Variants in NME1 observed in about 807,000 individuals in gnomAD.
NME1 encodes the protein NME/NM23 nucleoside diphosphate kinase 1.
In NME1, 9 loss-of-function variants were observed where a neutral mutation model predicts 17.2. The observed-to-expected ratio is 0.52, with a 90% CI of 0.32 to 0.92. NME1 has a LOEUF of 0.92. NME1 is among the 40% of genes least tolerant of loss of function. The pLI is 0.04. For missense variants in NME1, 169 were observed against 201.7 expected, an observed-to-expected ratio of 0.84 and a Z score of 0.98; for synonymous variants, 72 against 70.8, an observed-to-expected ratio of 1.02 and a Z score of -0.09.
chr17:51,158,177 G>A (rs1429185832), intron 2 of NME1, among the ~76,000 whole-genome samples: 1 of 152,222 alleles, frequency 6.6e-6, no homozygotes, highest in Non-Finnish European at 1.5e-5. Context: ...CTACCAGGGA[G>A]GCTGAGGCGA....
intron 4 of NME1, 40 bp downstream of exon 4, chr17:51,161,312 T>G: frequency 1.3e-6 from 2 of 1,548,022 alleles, no homozygotes; most frequent in Non-Finnish European, 1.8e-6. Flanking sequence ...CAAAATCTGA[T>G]TTAGTTGCCA....
rs1158423956 is a variant in NME1, at chr17:51,155,694, G to T, written c.40G>T (p.Asp14Tyr). The T allele has an allele frequency of 5.6e-6, 9 of 1,614,062 alleles. No individual in the cohort carries two copies. The highest frequency in any genetic ancestry group is 6.8e-6 in the Non-Finnish European group (8 of 1,180,024). The change falls in exon 2 of 5, where the codon GAT becomes TAT. Residue 14 changes from aspartate (D) to tyrosine (Y), a missense_variant. By Grantham distance (160) the Asp-to-Tyr change is radical. Transcript: ENST00000393196. ...CERTFIAIKP[D>Y]GVQRGLVGEI... ...GCGTACCTTCATTGCGATCAAACCAGATGGGGTCCAGCGGGGTCTTGTGGG... is the reference window on the plus strand; with the variant it reads ...GCGTACCTTCATTGCGATCAAACCATATGGGGTCCAGCGGGGTCTTGTGGG...
At chr17:51,155,869 A>G in intron 2 of NME1, 89 bp downstream of exon 2, 1 of 1,588,116 alleles carries the variant, frequency 6.3e-7, no homozygotes, top group Non-Finnish European at 8.6e-7. Context: ...TTTCTTATTT[A>G]AAGTTCTCCA....
Position 51,161,170 on chromosome 17 carries a change from G to C in NME1, c.239G>C (p.Gly80Ala), listed in dbSNP as rs755901791. Residue 80 changes from glycine (G) to alanine (A), a missense_variant, in exon 4 of 5, where the codon GGG becomes GCG. By Grantham distance (60) the Gly-to-Ala change is moderately conservative. Transcript: ENST00000393196. ...SGPVVAMVWEGLNVVKTGRVM... is the reference protein window; with the variant it reads ...SGPVVAMVWEALNVVKTGRVM... ...CTTCTGTCCTTGGAGGTCTGGGAGG[G>C]GCTGAATGTGGTGAAGACGGGCCGA... is the stretch of plus-strand genomic sequence containing the variant. 2 of 1,610,888 alleles carry C rather than the reference G, an allele frequency of 1.2e-6. No individual in the cohort carries two copies. The highest frequency in any genetic ancestry group is 1.7e-6 in the Non-Finnish European group (2 of 1,178,682).
intron 1 of NME1, 80 bp from the exon 2 acceptor site, chr17:51,155,571 T>G: frequency 6.3e-7 from 1 of 1,591,198 alleles, no homozygotes; most frequent in Non-Finnish European, 8.6e-7. Context: ...ACCAGCTTTA[T>G]GGGATAATCC....
intron 1 of NME1, chr17:51,154,290 A>C: frequency 7.9e-7 from 1 of 1,263,418 alleles, no homozygotes; most frequent in South Asian, 1.2e-5. Flanking sequence ...CAGGGGAGGC[A>C]GACACACAAA....
chr17:51,156,049 CTG>C lies in NME1; in HGVS notation c.126+271_126+272del, dbSNP rs1196184181. Reference sequence around the variant, plus strand: ...CAGAGTTCCACATATGACTGCATCTCTGTAATTTCTGACTGAGAGCTGAGCAT... The same window carrying C: ...CAGAGTTCCACATATGACTGCATCTCTAATTTCTGACTGAGAGCTGAGCAT... On this transcript the variant is annotated intron_variant, in intron 2 of 4. Transcript: ENST00000393196. 3 of 383,724 alleles carry C rather than the reference CTG, an allele frequency of 7.8e-6. 1 individual carries two copies. The highest frequency in any genetic ancestry group is 1.5e-5 in the Non-Finnish European group (3 of 200,500). The allele number at this position is 383,724 out of a possible 1,614,324, so 23.8% of individuals were successfully genotyped here. A position where few individuals can be genotyped will look rare whatever the true frequency, so the allele number is the denominator to read the frequency against.
intron 3 of NME1, 24 bp downstream of exon 3, chr17:51,160,105 T>C: frequency 6.2e-7 from 1 of 1,612,630 alleles, no homozygotes; most frequent in Non-Finnish European, 8.5e-7. Context: ...TGTGGGATAC[T>C]CCAAGTATGC....
In NME1 at chr17:51,155,912, G is replaced by A. The variant is rs1051940890; in HGVS notation, c.126+132G>A. On this transcript the variant is annotated intron_variant, in intron 2 of 4. Coordinates refer to ENST00000393196, the MANE Select transcript of NME1 (RefSeq NM_000269.3). Reference sequence around the variant, plus strand: ...GTGAACACAAGTGTCTTGAGACCTGGAAACTCCTCAGTGCCCTAGCGTTTG... The same window carrying A: ...GTGAACACAAGTGTCTTGAGACCTGAAAACTCCTCAGTGCCCTAGCGTTTG... 1.9e-5 allele frequency: 27 copies of A among 1,452,094 alleles called. 1 individual carries two copies. The highest frequency in any genetic ancestry group is 1.3e-4 in the African/African-American group (9 of 71,042). The allele number at this position is 1,452,094 out of a possible 1,614,324, so 90.0% of individuals were successfully genotyped here. A position where few individuals can be genotyped will look rare whatever the true frequency, so the allele number is the denominator to read the frequency against.
At position 51,160,003 on chromosome 17, in the gene NME1, A is replaced by G. The variant is rs200758009; in HGVS notation, c.150A>G (p.Glu50=). 3.4e-4 allele frequency: 548 copies of G among 1,614,078 alleles called. 1 individual carries two copies. Among genetic ancestry groups the G allele is most frequent in the Non-Finnish European group, 3.0e-5 (35 of 1,180,038 alleles). ...FMQASEDLLK[E]HYVDLKDRPF... is the part of the protein sequence containing the mutation. ...AGGCTTCCGAAGATCTTCTCAAGGA[A>G]CACTACGTTGACCTGAAGGACCGTC... The change falls in exon 3 of 5, where the codon GAA becomes GAG. Residue 50 remains glutamate, a synonymous_variant. Coordinates refer to ENST00000393196, the MANE Select transcript of NME1 (RefSeq NM_000269.3).
At chr17:51,156,922 G>C (rs1032393519) in intron 2 of NME1, among the ~76,000 whole-genome samples, 2 of 142,246 alleles carry the variant, frequency 1.4e-5, no homozygotes, top group African/African-American at 5.2e-5. Context: ...AATTGCTTTT[G>C]AACCCAGGAG....
chr17:51,154,106 G>T, intron 1 of NME1: 1 of 483,494 alleles, frequency 2.1e-6, no homozygotes, highest in Admixed American at 3.3e-5. Flanking sequence ...ATTTATGCTT[G>T]CCCCGCACCC....
intron 1 of NME1, chr17:51,154,280 C>A: frequency 8.9e-7 from 1 of 1,122,704 alleles, no homozygotes; most frequent in Non-Finnish European, 1.4e-6. Flanking sequence ...GCCTGGTGTG[C>A]AGGGGAGGCA....
intron 2 of NME1, among the ~76,000 whole-genome samples, chr17:51,157,472 C>T (rs11869672): frequency 0.17 from 26,029 of 152,136 alleles, 2,457 homozygotes; most frequent in Middle Eastern, 0.22. Context: ...GCCCTCATGA[C>T]CTAAACACCT....
Position 51,162,164 on chromosome 17 carries a change from A to C in NME1, c.*319A>C. Reference sequence around the variant, plus strand: ...AAAATGATTTATTTTGAGGTCTCACATACACACAGGCATTCTTTGCCTGCC... The same window carrying C: ...AAAATGATTTATTTTGAGGTCTCACCTACACACAGGCATTCTTTGCCTGCC... On this transcript the variant is annotated 3_prime_UTR_variant, in exon 5 of 5. Transcript: ENST00000393196. 7.6e-6 allele frequency: 2 copies of C among 261,624 alleles called. No homozygotes were observed. Among genetic ancestry groups the C allele is most frequent in the Non-Finnish European group, 1.5e-5 (2 of 132,834 alleles). 16.2% of individuals were successfully genotyped at this position (261,624 alleles called of 1,614,324 possible).
At chr17:51,158,113 C>T (rs2049813268) in intron 2 of NME1, among the ~76,000 whole-genome samples, 1 of 152,164 alleles carries the variant, frequency 6.6e-6, no homozygotes, top group Admixed American at 6.6e-5. Context: ...AACCCCGTCT[C>T]TACTAAAAAT....
At chr17:51,154,725 T>A (rs942931381) in intron 1 of NME1, among the ~76,000 whole-genome samples, 3 of 152,190 alleles carry the variant, frequency 2.0e-5, no homozygotes, top group Non-Finnish European at 4.4e-5. Context: ...TGTAAAGATA[T>A]ATTCTCTAAA....
At chr17:51,154,120 C>T in intron 1 of NME1, 1 of 502,076 alleles carries the variant, frequency 2.0e-6, no homozygotes, top group Non-Finnish European at 3.6e-6. Flanking sequence ...CGCACCCCAT[C>T]GTGCGATTCT....
chr17:51,154,242 CAT>C (rs2049750933), intron 1 of NME1: 10 of 809,078 alleles, frequency 1.2e-5, no homozygotes, highest in South Asian at 1.2e-4. Context: ...GGCTAGGTAC[CAT>C]AGAGTCTCTA....
Sources: gnomAD v4.1 joint callset for allele counts (sites outside exome capture counted in the v4.1 genomes callset) on GRCh38, gnomAD v4.1.1 for gene constraint, MANE v1.5 for transcripts, NCBI Gene and HGNC (gene_info 2026-07-23, HGNC 2026-07-21) for gene names.